CIT: variants seen among roughly 807,000 people sequenced by gnomAD.
CIT encodes citron Rho-interacting kinase.
A neutral mutation model predicts 272.7 loss-of-function variants in CIT; 79 were observed. The ratio of observed to expected loss-of-function variants is 0.29; its 90% CI spans 0.24 to 0.35. The LOEUF (loss-of-function observed/expected upper bound fraction) is 0.35. Among genes scored for constraint, CIT ranks in the 10% least tolerant of loss-of-function variants. CIT has a pLI of 1.00. For missense variants in CIT, 1,909 were observed against 2,618.3 expected (o/e 0.73, Z 5.91); for synonymous variants, 948 against 995.6 (o/e 0.95, Z 0.90).
chr12:119,845,884 T>G (rs1372404929), intron 5 of CIT, among the ~76,000 whole-genome samples: 2 of 147,774 alleles, frequency 1.4e-5, no homozygotes, highest in Admixed American at 6.8e-5. Flanking sequence ...GAGGTTGCAG[T>G]GAGCCGAGAA....
Position 119,814,176 on chromosome 12 carries a change from G to A in CIT, c.1111+8644C>T, listed in dbSNP as rs965729288. Among the ~76,000 whole-genome samples, 107 of 152,218 alleles carry A rather than the reference G, an allele frequency of 7.0e-4. 1 individual carries two copies. The highest frequency in any genetic ancestry group is 2.3e-3 in the African/African-American group (94 of 41,524). On this transcript the variant is annotated intron_variant, in intron 9 of 47. Transcript: ENST00000392521. Reference sequence around the variant, plus strand: ...TGCCCTCAATTTATCTTGGAATAAAGTAGAATATTACATATTTTTGACATC... The same window carrying A: ...TGCCCTCAATTTATCTTGGAATAAAATAGAATATTACATATTTTTGACATC...
chr12:119,713,158 G>A lies in CIT; in HGVS notation c.4579+45C>T, dbSNP rs200641253. On this transcript the variant is annotated intron_variant, in intron 35 of 47. Transcript: ENST00000392521. The surrounding 1 kb of genome is among the most constrained non-coding windows in gnomAD (Gnocchi z 5.2). ...CTTCGCGCCAGCACTGGGGAGACCT[G>A]GGTTAGCCACGTGCAATGACCTTCC... is the stretch of plus-strand genomic sequence containing the variant. The A allele has an allele frequency of 2.4e-4, 352 of 1,476,446 alleles. No individual in the cohort carries two copies. Among genetic ancestry groups the A allele is most frequent in the Non-Finnish European group, 2.9e-4 (307 of 1,059,680 alleles). The allele number at this position is 1,476,446 out of a possible 1,614,324, so 91.5% of individuals were successfully genotyped here. A position where few individuals can be genotyped will look rare whatever the true frequency, so the allele number is the denominator to read the frequency against.
chr12:119,773,275 TAGAA>T (rs1214340728), intron 16 of CIT, among the ~76,000 whole-genome samples: 3 of 152,176 alleles, frequency 2.0e-5, no homozygotes, highest in Non-Finnish European at 4.4e-5. Context: ...TGAATGGAAA[TAGAA>T]AGATCTAAAT....
chr12:119,699,854 C>T (rs921213399), intron 44 of CIT: 1 of 456,086 alleles, frequency 2.2e-6, no homozygotes, highest in Admixed American at 2.3e-5. Flanking sequence ...AAAATAGCCT[C>T]GAAGGGTATC....
At chr12:119,717,162 C>T (rs1336624539) in intron 32 of CIT, among the ~76,000 whole-genome samples, 3 of 152,086 alleles carry the variant, frequency 2.0e-5, no homozygotes, top group Admixed American at 6.5e-5. Flanking sequence ...AAACAGTTCT[C>T]CTGCCTCAGC....
At position 119,718,960 on chromosome 12, in the gene CIT, G is replaced by A. The variant is rs1957688917; in HGVS notation, c.3841-99C>T. The A allele has an allele frequency of 8.5e-7, 1 of 1,181,802 alleles. No homozygotes were observed. The highest frequency in any genetic ancestry group is 1.2e-6 in the Non-Finnish European group (1 of 814,990). 73.2% of individuals were successfully genotyped at this position (1,181,802 alleles called of 1,614,324 possible). ...CGGGAGGAGCAAACCACAAAAGCCA[G>A]GAGCATACTCACTGTAAGTGTATTT... On this transcript the variant is annotated intron_variant, in intron 30 of 47. Transcript: ENST00000392521. The surrounding 1 kb of genome is among the most constrained non-coding windows in gnomAD (Gnocchi z 4.8).
At chr12:119,833,663 C>CA (rs35433156) in intron 6 of CIT, among the ~76,000 whole-genome samples, 2,767 of 83,528 alleles carry the variant, frequency 0.033, 67 homozygotes, top group East Asian at 0.15. Flanking sequence ...GACTCTGTCT[C>CA]AAAAAAAAAA....
At position 119,785,054 on chromosome 12, in the gene CIT, G is replaced by C. The variant is rs764581842; in HGVS notation, c.1307C>G (p.Ser436Trp). 6.2e-7 allele frequency: 1 copy of C among 1,614,108 alleles called. No individual in the cohort carries two copies. Among genetic ancestry groups the C allele is most frequent in the South Asian group, 1.1e-5 (1 of 91,062 alleles). ...GILGRSESVVSGLDSPAKTSS... is the reference protein window; with the variant it reads ...GILGRSESVVWGLDSPAKTSS... ...AGTCTTGGCAGGGGAGTCCAGACCC[G>C]ACACAACAGACCTAGGTAGAGAAAA... is the stretch of plus-strand genomic sequence containing the variant. The change falls in exon 11 of 48, where the codon TCG becomes TGG. Residue 436 changes from serine to tryptophan, a missense_variant. This residue lies in a region of CIT where 529 missense variants were observed against 549.6 expected (regional missense o/e 0.96). Transcript: ENST00000392521.
rs765763044 is a variant in CIT at position 119,717,414 on chromosome 12, C to CTTTTTT, written c.4168+830_4168+831insAAAAAA. Among the ~76,000 whole-genome samples, 88 of 109,432 alleles carry CTTTTTT rather than the reference C, an allele frequency of 8.0e-4. 2 individuals are homozygous for CTTTTTT. The highest frequency in any genetic ancestry group is 2.7e-3 in the African/African-American group (70 of 25,582). 71.8% of individuals were successfully genotyped at this position (109,432 alleles called of 152,430 possible). A position where few individuals can be genotyped will look rare whatever the true frequency, so the allele number is the denominator to read the frequency against. ...ATTTTTTCATATTCTTTTTTCTTTTCTTTTCTTTTTTTTTTTTTTTTTTTG... is the reference window on the plus strand; with the variant it reads ...ATTTTTTCATATTCTTTTTTCTTTTCTTTTTTTTTTCTTTTTTTTTTTTTTTTTTTG... On this transcript the variant is annotated intron_variant, in intron 32 of 47. Coordinates refer to ENST00000392521, the MANE Select transcript of CIT (RefSeq NM_001206999.2).
chr12:119,870,410 C>A (rs952394881), intron 2 of CIT, among the ~76,000 whole-genome samples: 1 of 151,778 alleles, frequency 6.6e-6, no homozygotes, highest in Non-Finnish European at 1.5e-5. Context: ...ATTAGCCAGG[C>A]GTGGTGGTAG....
At chr12:119,838,122 G>C (rs987270299) in intron 5 of CIT, among the ~76,000 whole-genome samples, 1 of 152,096 alleles carries the variant, frequency 6.6e-6, no homozygotes, top group African/African-American at 2.4e-5. Context: ...ACCCAGGCTG[G>C]AGTGCAGTGC....
chr12:119,766,992 G>A, intron 19 of CIT, 95 bp downstream of exon 19: 2 of 735,978 alleles, frequency 2.7e-6, no homozygotes, highest in Non-Finnish European at 4.2e-6. Flanking sequence ...ACAGTACTTT[G>A]GTCCAGCAAG....
intron 20 of CIT, among the ~76,000 whole-genome samples, chr12:119,759,408 G>A (rs535811261): frequency 6.6e-6 from 1 of 152,346 alleles, no homozygotes; most frequent in South Asian, 2.1e-4. Flanking sequence ...CACTTTGGGA[G>A]GCCAAGGCAG....
rs141030276 is a variant in CIT at position 119,777,210 on chromosome 12, G to A, written c.1666-368C>T. Among the ~76,000 whole-genome samples the A allele has an allele frequency of 5.9e-3, 899 of 151,746 alleles. 9 individuals are homozygous for A. The highest frequency in any genetic ancestry group is 0.021 in the African/African-American group (864 of 41,366). ...GCAGAGGTTGCAGTGAGCCGAGATC[G>A]CGCCACTGCACTCCAGCCTGGGTGA... On this transcript the variant is annotated intron_variant, in intron 13 of 47. Transcript: ENST00000392521.
intron 22 of CIT, among the ~76,000 whole-genome samples, chr12:119,755,570 A>C (rs1960849822): frequency 6.6e-6 from 1 of 152,172 alleles, no homozygotes; most frequent in African/African-American, 2.4e-5. Flanking sequence ...TCAGCTTCCA[A>C]CAACCACTAT....
chr12:119,701,442 C>G (rs576604342), intron 43 of CIT, among the ~76,000 whole-genome samples, 182 bp downstream of exon 43: 1 of 152,128 alleles, frequency 6.6e-6, no homozygotes, highest in Non-Finnish European at 1.5e-5. Context: ...AGTTAGACCA[C>G]GCTAGTATCT....
intron 5 of CIT, among the ~76,000 whole-genome samples, chr12:119,847,787 A>G (rs1969921304): frequency 6.6e-6 from 1 of 152,038 alleles, no homozygotes; most frequent in Non-Finnish European, 1.5e-5. Flanking sequence ...GCTACTCGGG[A>G]GGCTGAGGCA....
chr12:119,749,185 G>A (rs1169309756), intron 23 of CIT, among the ~76,000 whole-genome samples: 1 of 152,170 alleles, frequency 6.6e-6, no homozygotes, highest in African/African-American at 2.4e-5. Flanking sequence ...GGCCAAACAA[G>A]GTAACTGCTC....
intron 10 of CIT, among the ~76,000 whole-genome samples, chr12:119,802,031 T>C (rs138816101): frequency 1.3e-5 from 2 of 152,314 alleles, no homozygotes; most frequent in African/African-American, 4.8e-5. Flanking sequence ...TCAGGAACGT[T>C]ACTGTCAAAA....
Sources: allele counts gnomAD v4.1 joint callset (sites outside exome capture counted in the v4.1 genomes callset), GRCh38; gene constraint gnomAD v4.1.1; regional missense constraint gnomAD v4.1.1; non-coding constraint Gnocchi (gnomAD v3.1); transcripts MANE v1.5; gene names NCBI Gene and HGNC (gene_info 2026-07-23, HGNC 2026-07-21).